The following PAPSS1 variants were observed in gnomAD, a reference collection of about 807,000 sequenced individuals.
The protein encoded by PAPSS1 is 3'-phosphoadenosine 5'-phosphosulfate synthase 1, also known as bifunctional 3'-phosphoadenosine 5'-phosphosulfate synthase 1.
In PAPSS1, 50 loss-of-function variants were observed where a neutral mutation model predicts 72.0. That is an observed-to-expected ratio of 0.69 (90% CI 0.55 to 0.88). The LOEUF (loss-of-function observed/expected upper bound fraction) is 0.88, where lower values mean the gene tolerates loss of function less well. Ranked by LOEUF, PAPSS1 falls within the 40% of genes least tolerant of loss-of-function variation. PAPSS1 has a pLI of 0.00. For missense variants in PAPSS1, 657 were observed against 782.2 expected (o/e 0.84, Z 1.91); for synonymous variants, 261 against 263.6 (o/e 0.99, Z 0.09).
intron 9 of PAPSS1, among the ~76,000 whole-genome samples, chr4:107,646,359 ATC>A (rs1726695604): frequency 6.7e-6 from 1 of 150,108 alleles, no homozygotes; most frequent in Non-Finnish European, 1.5e-5. Flanking sequence ...ACACACACAC[ATC>A]TCTTAGTTTT....
intron 4 of PAPSS1, among the ~76,000 whole-genome samples, chr4:107,685,252 A>G (rs1722751198): frequency 6.6e-6 from 1 of 152,200 alleles, no homozygotes; most frequent in South Asian, 2.1e-4. Flanking sequence ...TATGTGTGTG[A>G]CAGGTGTATG....
In PAPSS1 at chr4:107,614,307, A is replaced by G; in HGVS notation, c.1817T>C (p.Met606Thr). 6.2e-7 allele frequency: 1 copy of G among 1,614,070 alleles called. No individual in the cohort carries two copies. Reference sequence around the variant, plus strand: ...CAGCACGGTCCAAGCCTTGGGAGCCATGAAACCTTCAGGTGGTTTCTGGCC... The same window carrying G: ...CAGCACGGTCCAAGCCTTGGGAGCCGTGAAACCTTCAGGTGGTTTCTGGCC... ...REGQKPPEGF[M>T]APKAWTVLTE... Residue 606 changes from methionine to threonine, a missense_variant, in exon 12 of 12, where the codon ATG becomes ACG. This residue lies in a region of PAPSS1 where 103 missense variants were observed against 93.8 expected (regional missense o/e 1.10). Transcript: ENST00000265174.
At chr4:107,634,939 AG>A (rs1473220156) in intron 10 of PAPSS1, among the ~76,000 whole-genome samples, 1 of 151,176 alleles carries the variant, frequency 6.6e-6, no homozygotes, top group East Asian at 2.0e-4. Flanking sequence ...CTGGGACTAC[AG>A]GCGCCCGCTA....
chr4:107,681,488 C>T lies in PAPSS1; in HGVS notation c.669+527G>A, dbSNP rs765340752. 3.9e-5 allele frequency among the ~76,000 whole-genome samples: 6 copies of T among 152,218 alleles called. No individual in the cohort carries two copies. The South Asian group carries it at 1.0e-3, about 26-fold the overall frequency. On this transcript the variant is annotated intron_variant, in intron 5 of 11. Coordinates refer to ENST00000265174, the MANE Select transcript of PAPSS1 (RefSeq NM_005443.5). The stretch of plus-strand genomic sequence containing the variant: ...GTGCACTTGTTAGTGGGCCTGAGTA[C>T]CCTGGAGAACCCCAAGCCTCTTCAT...
intron 7 of PAPSS1, among the ~76,000 whole-genome samples, chr4:107,655,994 G>T (rs1180180598): frequency 6.6e-6 from 1 of 152,066 alleles, no homozygotes; most frequent in East Asian, 1.9e-4. Flanking sequence ...ATTATAGTAG[G>T]GTTCTGTGAC....
intron 10 of PAPSS1, among the ~76,000 whole-genome samples, chr4:107,640,900 A>C (rs1032719527): frequency 6.6e-6 from 1 of 152,186 alleles, no homozygotes; most frequent in African/African-American, 2.4e-5. Flanking sequence ...CGTGCCTCTT[A>C]GTCTCCCTAG....
chr4:107,633,139 C>T (rs372796353), intron 10 of PAPSS1, among the ~76,000 whole-genome samples: 194 of 152,244 alleles, frequency 1.3e-3, no homozygotes, highest in African/African-American at 4.4e-3. Flanking sequence ...ATAACATAGA[C>T]CTTATTTCCA....
chr4:107,630,861 T>C (rs1317842409), intron 11 of PAPSS1, among the ~76,000 whole-genome samples: 4 of 152,158 alleles, frequency 2.6e-5, no homozygotes, highest in East Asian at 3.9e-4. Flanking sequence ...TTAGAGATTG[T>C]TGTGGAAAAT....
chr4:107,662,357 A>G (rs910113582), intron 5 of PAPSS1, among the ~76,000 whole-genome samples: 2 of 152,220 alleles, frequency 1.3e-5, no homozygotes, highest in Admixed American at 1.3e-4. Flanking sequence ...ACCCATAGCC[A>G]AAAGCTATCT....
rs192523087 is a variant in PAPSS1 at position 107,660,040 on chromosome 4, T to G, written c.702A>C (p.Val234=). Residue 234 remains valine, a synonymous_variant, in exon 6 of 12, where the codon GTA becomes GTC. Transcript: ENST00000265174. ...DIVPVDASYE[V]KELYVPENKL... ...TATTTTCTGGCACATATAGTTCTTT[T>G]ACTTCATAAGATGCATCCACAGGTA... is the stretch of plus-strand genomic sequence containing the variant. The G allele has an allele frequency of 6.2e-7, 1 of 1,600,396 alleles. No individual in the cohort carries two copies. Among genetic ancestry groups the G allele is most frequent in the Non-Finnish European group, 8.5e-7 (1 of 1,170,840 alleles).
intron 10 of PAPSS1, among the ~76,000 whole-genome samples, chr4:107,637,465 T>C (rs940852807): frequency 6.6e-6 from 1 of 152,182 alleles, no homozygotes; most frequent in South Asian, 2.1e-4. Flanking sequence ...CCACTACCAC[T>C]AAACCATTCT....
chr4:107,625,882 T>C (rs932598043), intron 11 of PAPSS1, among the ~76,000 whole-genome samples: 1 of 152,022 alleles, frequency 6.6e-6, no homozygotes, highest in African/African-American at 2.4e-5. Flanking sequence ...AACAGTACAT[T>C]ATTTAAAGTA....
intron 2 of PAPSS1, among the ~76,000 whole-genome samples, chr4:107,696,637 G>T (rs1005420433): frequency 1.3e-5 from 2 of 151,916 alleles, no homozygotes; most frequent in Non-Finnish European, 2.9e-5. Flanking sequence ...ATGCATGTGG[G>T]GCTTAAAACC....
intron 9 of PAPSS1, among the ~76,000 whole-genome samples, chr4:107,652,106 A>T (rs1164693649): frequency 6.6e-6 from 1 of 152,162 alleles, no homozygotes; most frequent in Non-Finnish European, 1.5e-5. Context: ...GTTCACAAAC[A>T]TGGTTTGGTG....
rs140758717 is a variant in PAPSS1, at chr4:107,716,236, C to T, written c.60+3884G>A. Among the ~76,000 whole-genome samples, 912 of 152,216 alleles carry T rather than the reference C, an allele frequency of 6.0e-3. 12 individuals are homozygous for T. Among genetic ancestry groups the T allele is most frequent in the African/African-American group, 0.021 (860 of 41,514 alleles). On this transcript the variant is annotated intron_variant, in intron 1 of 11. Transcript: ENST00000265174. The stretch of plus-strand genomic sequence containing the variant: ...AGAAGAGCACAAACAATTCAGCCCA[C>T]GAGCAAGTGAACATATGTACCTATG...
At chr4:107,701,130 A>G (rs1723193374) in intron 2 of PAPSS1, 41 bp downstream of exon 2, 1 of 1,357,704 alleles carries the variant, frequency 7.4e-7, no homozygotes, top group African/African-American at 1.4e-5. Context: ...ACCTATATGC[A>G]CTGCTTTTAA....
At chr4:107,676,753 C>A (rs1396696132) in intron 5 of PAPSS1, among the ~76,000 whole-genome samples, 2 of 152,164 alleles carry the variant, frequency 1.3e-5, no homozygotes, top group African/African-American at 4.8e-5. Flanking sequence ...AAGAACAAAG[C>A]TGGAGGCATC....
chr4:107,702,403 GTTA>G (rs779864283), intron 1 of PAPSS1, among the ~76,000 whole-genome samples: 12 of 152,094 alleles, frequency 7.9e-5, no homozygotes, highest in South Asian at 2.1e-4. Context: ...GAAATACATT[GTTA>G]TTATCATCAC....
At chr4:107,636,430 C>T (rs1578389344) in intron 10 of PAPSS1, among the ~76,000 whole-genome samples, 1 of 152,174 alleles carries the variant, frequency 6.6e-6, no homozygotes, top group Admixed American at 6.5e-5. Context: ...CTAACACAAT[C>T]ATCATGCCCT....
Sources: allele counts gnomAD v4.1 joint callset (sites outside exome capture counted in the v4.1 genomes callset), GRCh38; gene constraint gnomAD v4.1.1; regional missense constraint gnomAD v4.1.1; transcripts MANE v1.5; gene names NCBI Gene and HGNC (gene_info 2026-07-23, HGNC 2026-07-21).